The following RDH11 variants were observed in gnomAD, a reference collection of about 807,000 sequenced individuals.
The protein encoded by RDH11 is retinol dehydrogenase 11, also known as HCV core-binding protein HCBP12.
In RDH11, 19 loss-of-function variants were observed where a neutral mutation model predicts 33.4. The ratio of observed to expected loss-of-function variants is 0.57; its 90% CI spans 0.40 to 0.83. The LOEUF (loss-of-function observed/expected upper bound fraction) is 0.83. RDH11 is among the 40% of genes least tolerant of loss of function. The pLI is 0.00. For missense variants in RDH11, 353 were observed against 389.0 expected, an observed-to-expected ratio of 0.91 and a Z score of 0.78; for synonymous variants, 154 against 155.3, an observed-to-expected ratio of 0.99 and a Z score of 0.06.
intron 5 of RDH11, among the ~76,000 whole-genome samples, chr14:67,688,420 T>G (rs752795845): frequency 5.3e-5 from 8 of 152,184 alleles, no homozygotes; most frequent in Non-Finnish European, 1.5e-5. Flanking sequence ...GATACTGTGT[T>G]GGAGTTTCAG....
In RDH11 at chr14:67,684,993, CAA is replaced by C. The variant is rs766660546; in HGVS notation, c.854+20_854+21del. On this transcript the variant is annotated intron_variant, in intron 6 of 6. Transcript: ENST00000381346. Reference sequence around the variant, plus strand: ...TCCTTTGAGCAATAAATCTCATCTGCAAAAAGAGATAACATTCATACCTGAAA... The same window carrying C: ...TCCTTTGAGCAATAAATCTCATCTGCAAAGAGATAACATTCATACCTGAAA... 1 of 1,582,994 alleles carries C rather than the reference CAA, an allele frequency of 6.3e-7. No individual in the cohort carries two copies. The highest frequency in any genetic ancestry group is 1.2e-5 in the South Asian group (1 of 86,448).
At chr14:67,688,035 A>C (rs2140071843) in intron 5 of RDH11, among the ~76,000 whole-genome samples, 1 of 152,222 alleles carries the variant, frequency 6.6e-6, no homozygotes, top group East Asian at 1.9e-4. Flanking sequence ...GGCCTCCCAA[A>C]GTGCTGGGAT....
In RDH11 at chr14:67,692,943, C is replaced by T. The variant is rs2037769935; in HGVS notation, c.184G>A (p.Ala62Thr). Residue 62 changes from alanine to threonine, a missense_variant, in exon 2 of 7, where the codon GCT becomes ACT. Ala to Thr is a moderately conservative substitution (Grantham distance 58). Transcript: ENST00000381346. Reference sequence around the variant, plus strand: ...AAGGAGGTGAACTTGCCTCTCTGAGCCAGCTCTTTGGCTGTCTCCTTCCCG... The same window carrying T: ...AAGGAGGTGAACTTGCCTCTCTGAGTCAGCTCTTTGGCTGTCTCCTTCCCG... ...GIGKETAKEL[A>T]QRGARVYLAC... 1.2e-6 allele frequency: 2 copies of T among 1,609,904 alleles called. No homozygotes were observed. The highest frequency in any genetic ancestry group is 3.3e-5 in the Admixed American group (2 of 59,964).
chr14:67,685,127 A>G lies in RDH11; in HGVS notation c.742T>C (p.Trp248Arg). ...ELVRHSSFMR[W>R]MWWLFSFFIK... is the part of the protein sequence containing the mutation. ...AAAAAGGAGAAAAGCCACCACATCC[A>G]TCTCATGAAAGATGAGTGCCGAACC... The change falls in exon 6 of 7, where the codon TGG (tryptophan) becomes CGG (arginine). Residue 248 changes from tryptophan to arginine, a missense_variant. Physicochemically the swap from Trp to Arg is moderately radical, Grantham distance 101. Transcript: ENST00000381346. 6.2e-7 allele frequency: 1 copy of G among 1,614,174 alleles called. No individual in the cohort carries two copies. The highest frequency in any genetic ancestry group is 8.5e-7 in the Non-Finnish European group (1 of 1,180,022).
In RDH11 at chr14:67,680,705, C is replaced by T. The variant is rs184716242; in HGVS notation, c.855-2282G>A. Among the ~76,000 whole-genome samples the T allele has an allele frequency of 1.0e-3, 152 of 152,248 alleles. 2 individuals carry two copies. Among genetic ancestry groups the T allele is most frequent in the Admixed American group, 2.5e-3 (38 of 15,290 alleles). On this transcript the variant is annotated intron_variant, in intron 6 of 6. Transcript: ENST00000381346. ...AACTCCTGGGCTCAAGTAGTTTGCCCACCTCAGCCTCCCAAAGTGCAGGGA... is the reference window on the plus strand; with the variant it reads ...AACTCCTGGGCTCAAGTAGTTTGCCTACCTCAGCCTCCCAAAGTGCAGGGA...
At position 67,691,253 on chromosome 14, in the gene RDH11, A is replaced by T. The variant is rs1410221419; in HGVS notation, c.350-9T>A. ...GTGGAGGTGCTTTTCCTCTGCAGGG[A>T]CAAGACGATGGAGCGTGGAAGTGGC... On this transcript the variant is annotated splice_polypyrimidine_tract_variant and intron_variant, in intron 3 of 6. Coordinates refer to ENST00000381346, the MANE Select transcript of RDH11 (RefSeq NM_016026.4). The T allele has an allele frequency of 1.9e-6, 3 of 1,603,996 alleles. No individual in the cohort carries two copies. The Admixed American group carries it at 5.0e-5, about 27-fold the overall frequency.
At position 67,678,178 on chromosome 14, in the gene RDH11, T is replaced by C. The variant is rs976808616; in HGVS notation, c.*143A>G. The C allele has an allele frequency of 8.3e-6, 5 of 605,192 alleles. No individual in the cohort carries two copies. Among genetic ancestry groups the C allele is most frequent in the African/African-American group, 3.7e-5 (2 of 53,982 alleles). 37.5% of individuals were successfully genotyped at this position (605,192 alleles called of 1,614,324 possible). ...ACGAATCTGGCAGTACACTGAGTTT[T>C]AACTGGACACCAAGCAGGCAAGGCT... On this transcript the variant is annotated 3_prime_UTR_variant, in exon 7 of 7. Transcript: ENST00000381346.
rs1412610329 is a variant in RDH11, at chr14:67,691,217, T to C, written c.377A>G (p.Asn126Ser). 6.2e-7 allele frequency: 1 copy of C among 1,613,978 alleles called. No homozygotes were observed. The highest frequency in any genetic ancestry group is 2.2e-5 in the East Asian group (1 of 44,884). ...CGGACACATCATCACTCCTGCATTGTTGATCAAAACGTGGAGGTGCTTTTC... is the reference window on the plus strand; with the variant it reads ...CGGACACATCATCACTCCTGCATTGCTGATCAAAACGTGGAGGTGCTTTTC... ...AEEKHLHVLI[N>S]NAGVMMCPYS... Residue 126 changes from asparagine (N) to serine (S), a missense_variant, in exon 4 of 7, where the codon AAC becomes AGC. By Grantham distance (46) the Asn-to-Ser change is conservative. Transcript: ENST00000381346.
intron 6 of RDH11, among the ~76,000 whole-genome samples, chr14:67,683,850 C>G (rs1008584481): frequency 3.3e-5 from 5 of 152,204 alleles, no homozygotes; most frequent in Non-Finnish European, 1.5e-5. Flanking sequence ...CTTGCTTAAG[C>G]TAGACAAAGT....
rs2037566148 is a variant in RDH11 at position 67,678,070 on chromosome 14, G to A, written c.*251C>T. 2.6e-6 allele frequency: 1 copy of A among 385,066 alleles called. No individual in the cohort carries two copies. The allele number at this position is 385,066 out of a possible 1,614,324, so 23.9% of individuals were successfully genotyped here. On this transcript the variant is annotated 3_prime_UTR_variant, in exon 7 of 7. Coordinates refer to ENST00000381346, the MANE Select transcript of RDH11 (RefSeq NM_016026.4). ...AAAATGAGCTGTGCAGGTCATATGA[G>A]GGTCTTCTTATCCTATTATGATATC... is the stretch of plus-strand genomic sequence containing the variant.
At chr14:67,693,636 T>C (rs549459972) in intron 1 of RDH11, among the ~76,000 whole-genome samples, 1 of 151,100 alleles carries the variant, frequency 6.6e-6, no homozygotes, top group East Asian at 2.0e-4. Context: ...TCCTTGTTTC[T>C]TTCTTTCTCT....
At position 67,692,442 on chromosome 14, in the gene RDH11, T is replaced by G. The variant is rs1421621405; in HGVS notation, c.345A>C (p.Leu115Phe). ...KSIRAFAKGF[L>F]AEEKHLHVLI... ...TCTCTCTAGTTCTACACTTACCAGCTAAGAAGCCCTTAGCAAAAGCTCGAA... is the reference window on the plus strand; with the variant it reads ...TCTCTCTAGTTCTACACTTACCAGCGAAGAAGCCCTTAGCAAAAGCTCGAA... Residue 115 changes from leucine (L) to phenylalanine (F), a missense_variant, in exon 3 of 7, where the codon TTA (leucine) becomes TTC (phenylalanine). By Grantham distance (22) the Leu-to-Phe change is conservative. Transcript: ENST00000381346. 3.1e-6 allele frequency: 5 copies of G among 1,614,052 alleles called. No individual in the cohort carries two copies. The highest frequency in any genetic ancestry group is 3.4e-6 in the Non-Finnish European group (4 of 1,180,022).
chr14:67,687,749 G>A (rs1257532053), intron 5 of RDH11, among the ~76,000 whole-genome samples: 3 of 150,122 alleles, frequency 2.0e-5, no homozygotes, highest in Non-Finnish European at 4.4e-5. Flanking sequence ...GGGATTACAA[G>A]CATGAGCCAC....
rs2037764894 is a variant in RDH11 at position 67,692,589 on chromosome 14, A to C, written c.198T>G (p.Ala66=). ...ETAKELAQRG[A]RVYLACRDVE... ...CATCCCGGCAAGCTAAATATACTCG[A>C]GCTCCTGTCAGCCAACATATGAAAG... Residue 66 remains alanine (A), a synonymous_variant, in exon 3 of 7, where the codon GCT becomes GCG. Coordinates refer to ENST00000381346, the MANE Select transcript of RDH11 (RefSeq NM_016026.4). 2 of 1,564,632 alleles carry C rather than the reference A, an allele frequency of 1.3e-6. No individual in the cohort carries two copies. Among genetic ancestry groups the C allele is most frequent in the African/African-American group, 2.8e-5 (2 of 72,624 alleles).
At chr14:67,679,825 T>A (rs17249649) in intron 6 of RDH11, among the ~76,000 whole-genome samples, 16,725 of 152,126 alleles carry the variant, frequency 0.11, 1,327 homozygotes, top group South Asian at 0.34. Flanking sequence ...GTCAAAGTTT[T>A]AAAAAAAATG....
chr14:67,690,493 T>C, intron 4 of RDH11, 72 bp from the exon 5 acceptor site: 2 of 1,271,236 alleles, frequency 1.6e-6, no homozygotes. Flanking sequence ...TGAGCAGGCC[T>C]CACCTATGGG....
chr14:67,677,194 A>C lies in RDH11; in HGVS notation c.*1127T>G, dbSNP rs1285975439. On this transcript the variant is annotated 3_prime_UTR_variant, in exon 7 of 7. Coordinates refer to ENST00000381346, the MANE Select transcript of RDH11 (RefSeq NM_016026.4). ...TCCTTTGGCAGCATTACTTTTGATAAGAAGTCTCCAAATAAAATACAAAAT... is the reference window on the plus strand; with the variant it reads ...TCCTTTGGCAGCATTACTTTTGATACGAAGTCTCCAAATAAAATACAAAAT... 2 of 152,046 alleles carry C rather than the reference A, an allele frequency of 1.3e-5. No individual in the cohort carries two copies. Among genetic ancestry groups the C allele is most frequent in the Non-Finnish European group, 2.9e-5 (2 of 68,006 alleles). 9.4% of individuals were successfully genotyped at this position (152,046 alleles called of 1,614,324 possible).
chr14:67,692,891 A>C (rs759984192), intron 2 of RDH11, 43 bp downstream of exon 2: 1 of 1,306,724 alleles, frequency 7.7e-7, no homozygotes, highest in Non-Finnish European at 1.1e-6. Context: ...TGTGAGGGGT[A>C]AAACAGCAGT....
intron 1 of RDH11, among the ~76,000 whole-genome samples, chr14:67,694,514 ATAT>A (rs2037802427): frequency 7.3e-6 from 1 of 136,078 alleles, no homozygotes; most frequent in Non-Finnish European, 1.6e-5. Flanking sequence ...ATACACACAT[ATAT>A]TTTTTTTTTT....
Sources: allele counts gnomAD v4.1 joint callset (sites outside exome capture counted in the v4.1 genomes callset), GRCh38; gene constraint gnomAD v4.1.1; transcripts MANE v1.5; gene names NCBI Gene and HGNC (gene_info 2026-07-23, HGNC 2026-07-21).